The following CFH variants were observed in gnomAD, a reference collection of about 807,000 sequenced individuals.
CFH encodes H factor 1 (complement).
In CFH, 53 loss-of-function variants were observed where a neutral mutation model predicts 147.3. The observed-to-expected ratio is 0.36, with a 90% CI of 0.29 to 0.45. CFH has a LOEUF of 0.45. Ranked by LOEUF, CFH falls within the 20% of genes least tolerant of loss-of-function variation. The pLI is 1.00. For synonymous variants in CFH, 536 were observed against 489.4 expected, an observed-to-expected ratio of 1.10 and a Z score of -1.26; for missense variants, 1,380 against 1,498.0, an observed-to-expected ratio of 0.92 and a Z score of 1.30.
At chr1:196,744,806 T>C (rs1170351176) in intron 20 of CFH, among the ~76,000 whole-genome samples, 4 of 152,180 alleles carry the variant, frequency 2.6e-5, no homozygotes, top group Non-Finnish European at 4.4e-5. Context: ...GATCCTAAAG[T>C]CTCAAGCTCT....
chr1:196,660,526 C>G (rs893871872), intron 1 of CFH, among the ~76,000 whole-genome samples: 4 of 152,068 alleles, frequency 2.6e-5, no homozygotes, highest in Non-Finnish European at 5.9e-5. Context: ...AGTTAGCAGG[C>G]AAGTTTCATG....
intron 1 of CFH, among the ~76,000 whole-genome samples, chr1:196,666,820 A>T (rs1667111214): frequency 6.6e-6 from 1 of 151,902 alleles, no homozygotes; most frequent in Non-Finnish European, 1.5e-5. Flanking sequence ...AAAAAAAAAA[A>T]AAAAAGGGTT....
In CFH at chr1:196,724,690, T is replaced by C. The variant is rs1573064249; in HGVS notation, c.1697-431T>C. On this transcript the variant is annotated intron_variant, in intron 11 of 21. Coordinates refer to ENST00000367429, the MANE Select transcript of CFH (RefSeq NM_000186.4). ...TATGATCATTTACCTGTAACTTTGG[T>C]TCTTCTTTCTGAGGAGAACTTGTGT... Among the ~76,000 whole-genome samples, 3 of 152,346 alleles carry C rather than the reference T, an allele frequency of 2.0e-5. No individual in the cohort carries two copies. In the South Asian group the frequency reaches 6.2e-4, roughly 32 times the overall value.
chr1:196,679,910 A>G (rs1667591335), intron 6 of CFH, 117 bp downstream of exon 6: 2 of 945,388 alleles, frequency 2.1e-6, no homozygotes, highest in African/African-American at 1.7e-5. Flanking sequence ...TAAATAAACT[A>G]TTATAAAAAA....
intron 1 of CFH, among the ~76,000 whole-genome samples, chr1:196,670,250 G>A (rs1341758701): frequency 1.3e-5 from 2 of 152,144 alleles, no homozygotes; most frequent in East Asian, 3.9e-4. Context: ...ATGGACTTTA[G>A]GGTTAATGCT....
chr1:196,687,865 A>T (rs1667880335), intron 7 of CFH, among the ~76,000 whole-genome samples: 1 of 152,094 alleles, frequency 6.6e-6, no homozygotes, highest in Non-Finnish European at 1.5e-5. Context: ...ATCAATTATA[A>T]GATATATGGA....
At chr1:196,665,889 G>T (rs1189203629) in intron 1 of CFH, among the ~76,000 whole-genome samples, 1 of 152,230 alleles carries the variant, frequency 6.6e-6, no homozygotes, top group East Asian at 1.9e-4. Flanking sequence ...ATATAGGCGT[G>T]AGCCACCGCA....
At chr1:196,656,686 G>A (rs984199652) in intron 1 of CFH, among the ~76,000 whole-genome samples, 3 of 132,550 alleles carry the variant, frequency 2.3e-5, no homozygotes, top group South Asian at 2.4e-4. Flanking sequence ...TGTGTGTTGC[G>A]TTTTTTTTTT....
Position 196,705,300 on chromosome 1 carries a change from C to T in CFH, c.1337-8435C>T, listed in dbSNP as rs1256393120. Among the ~76,000 whole-genome samples the T allele has an allele frequency of 3.3e-5, 5 of 152,088 alleles. No individual in the cohort carries two copies. The East Asian group carries it at 5.8e-4, about 18-fold the overall frequency. On this transcript the variant is annotated intron_variant, in intron 9 of 21. Transcript: ENST00000367429. The stretch of plus-strand genomic sequence containing the variant: ...TTTTAGGTTTGAATTTTCTCAGGAG[C>T]AGAGTAATCTGCTTTCGGACTGGAG...
Position 196,674,814 on chromosome 1 carries a change from A to G in CFH, c.350+852A>G, listed in dbSNP as rs566267422. Among the ~76,000 whole-genome samples, 38 of 152,208 alleles carry G rather than the reference A, an allele frequency of 2.5e-4. No individual in the cohort carries two copies. The South Asian group carries it at 7.9e-3, about 32-fold the overall frequency. On this transcript the variant is annotated intron_variant, in intron 3 of 21. Transcript: ENST00000367429. ...TGGGTATTTAAAAATATATCTCTTC[A>G]CTACCATTTCCTCTCCTACAAAACA...
intron 9 of CFH, among the ~76,000 whole-genome samples, chr1:196,712,875 T>C (rs1362816470): frequency 1.3e-5 from 2 of 150,608 alleles, no homozygotes; most frequent in Non-Finnish European, 3.0e-5. Flanking sequence ...TGTTTGGTTT[T>C]TTGTCCTTGC....
intron 17 of CFH, among the ~76,000 whole-genome samples, chr1:196,738,265 C>T (rs1242223753): frequency 6.6e-6 from 1 of 152,154 alleles, no homozygotes; most frequent in Admixed American, 6.5e-5. Context: ...TCCTATCATT[C>T]CACCATGGCC....
Position 196,685,257 on chromosome 1 carries a change from T to C in CFH, c.964+20T>C, listed in dbSNP as rs1667787587. On this transcript the variant is annotated intron_variant, in intron 7 of 21. Transcript: ENST00000367429. ...GTACCTGTAAGTTCCATTCATATCTTGACCCATTTCTTAATTCTGAAATTT... is the reference window on the plus strand; with the variant it reads ...GTACCTGTAAGTTCCATTCATATCTCGACCCATTTCTTAATTCTGAAATTT... The C allele has an allele frequency of 6.2e-7, 1 of 1,611,726 alleles. No individual in the cohort carries two copies. Among genetic ancestry groups the C allele is most frequent in the African/African-American group, 1.3e-5 (1 of 74,826 alleles).
intron 11 of CFH, among the ~76,000 whole-genome samples, chr1:196,716,881 G>T (rs1668881951): frequency 6.6e-6 from 1 of 152,042 alleles, no homozygotes; most frequent in Non-Finnish European, 1.5e-5. Context: ...ATCAAAACTG[G>T]ATATGTGAAG....
intron 9 of CFH, among the ~76,000 whole-genome samples, chr1:196,694,006 A>T: frequency 7.0e-6 from 1 of 142,030 alleles, no homozygotes; most frequent in African/African-American, 2.8e-5. Context: ...TTATTATTAT[A>T]CTTTAAGTTC....
chr1:196,691,286 A>G (rs1416433304), intron 9 of CFH, among the ~76,000 whole-genome samples: 1 of 152,068 alleles, frequency 6.6e-6, no homozygotes, highest in Non-Finnish European at 1.5e-5. Flanking sequence ...TTTTACAGTA[A>G]AGCTATTTGA....
intron 11 of CFH, among the ~76,000 whole-genome samples, chr1:196,723,616 T>G (rs962373781): frequency 1.3e-5 from 2 of 152,036 alleles, no homozygotes; most frequent in Non-Finnish European, 2.9e-5. Flanking sequence ...GACTCTCTGT[T>G]GCCCCAAGGA....
chr1:196,696,817 A>G (rs993271218), intron 9 of CFH, among the ~76,000 whole-genome samples: 3 of 152,222 alleles, frequency 2.0e-5, no homozygotes, highest in African/African-American at 7.2e-5. Context: ...ATGCAGACCA[A>G]TGGAACAGAA....
chr1:196,684,820 G>A (rs988946959), intron 6 of CFH, among the ~76,000 whole-genome samples: 2 of 151,972 alleles, frequency 1.3e-5, no homozygotes, highest in African/African-American at 2.4e-5. Flanking sequence ...AAATCATGAA[G>A]TATGGGATGA....
Sources: allele counts gnomAD v4.1 joint callset (sites outside exome capture counted in the v4.1 genomes callset), GRCh38; gene constraint gnomAD v4.1.1; transcripts MANE v1.5; gene names NCBI Gene and HGNC (gene_info 2026-07-23, HGNC 2026-07-21).